TRAF1: variants seen among roughly 807,000 people sequenced by gnomAD.
TRAF1 encodes TNF receptor associated factor 1, also known as TNF receptor-associated factor 1.
TRAF1 carries 23 observed loss-of-function variants against 40.9 expected under a neutral mutation model. The ratio of observed to expected loss-of-function variants is 0.56; its 90% CI spans 0.40 to 0.80. The LOEUF (loss-of-function observed/expected upper bound fraction) is 0.80, where lower values mean the gene tolerates loss of function less well. Ranked by LOEUF, TRAF1 falls within the 30% of genes least tolerant of loss-of-function variation. The pLI is 0.00. For synonymous variants in TRAF1, 206 were observed against 218.8 expected, an observed-to-expected ratio of 0.94 and a Z score of 0.52; for missense variants, 477 against 528.7, an observed-to-expected ratio of 0.90 and a Z score of 0.96.
At chr9:120,911,639 T>A in intron 5 of TRAF1, 126 bp from the exon 6 acceptor site, 1 of 1,122,782 alleles carries the variant, frequency 8.9e-7, no homozygotes. Flanking sequence ...CAGGTGTGCG[T>A]CTGCATCTGA....
rs1397901786 is a variant in TRAF1 at position 120,904,605 on chromosome 9, G to A, written c.*415C>T. On this transcript the variant is annotated 3_prime_UTR_variant, in exon 8 of 8. Transcript: ENST00000373887. ...CTGTTTCTGACCCTGGAGAAAAAGA[G>A]AGCAGGCCTGTGTCCAGGTCTCCCT... is the stretch of plus-strand genomic sequence containing the variant. The A allele has an allele frequency of 5.0e-6, 1 of 199,354 alleles. No homozygotes were observed. Among genetic ancestry groups the A allele is most frequent in the Non-Finnish European group, 1.0e-5 (1 of 96,072 alleles). The allele number at this position is 199,354 out of a possible 1,614,324, so 12.3% of individuals were successfully genotyped here. A position where few individuals can be genotyped will look rare whatever the true frequency, so the allele number is the denominator to read the frequency against.
intron 7 of TRAF1, among the ~76,000 whole-genome samples, chr9:120,908,828 G>C (rs554836598): frequency 3.9e-5 from 6 of 152,242 alleles, no homozygotes; most frequent in Non-Finnish European, 8.8e-5. Flanking sequence ...CCAAATTGTT[G>C]AGATTACAGG....
intron 3 of TRAF1, among the ~76,000 whole-genome samples, chr9:120,915,660 C>G (rs1449928419): frequency 6.6e-6 from 1 of 151,904 alleles, no homozygotes; most frequent in South Asian, 2.1e-4. Context: ...AATGAGACCT[C>G]ATCTCTACTT....
intron 3 of TRAF1, among the ~76,000 whole-genome samples, chr9:120,918,332 T>C (rs1019543844): frequency 2.6e-5 from 4 of 152,066 alleles, no homozygotes; most frequent in African/African-American, 9.7e-5. Context: ...TTACTAATAA[T>C]AAATTAATAG....
rs567136314 is a variant in TRAF1, at chr9:120,905,901, T to A, written c.1033-663A>T. ...CCTCACCCTGCACATTAGGACCCCC[T>A]GCGGAGACTTCATCCTGATGCTCAG... On this transcript the variant is annotated intron_variant, in intron 7 of 7. Transcript: ENST00000373887. Among the ~76,000 whole-genome samples the A allele has an allele frequency of 2.0e-5, 3 of 152,336 alleles. No individual in the cohort carries two copies. In the South Asian group the frequency reaches 6.2e-4, roughly 32 times the overall value.
intron 2 of TRAF1, among the ~76,000 whole-genome samples, chr9:120,925,442 C>T (rs550248567): frequency 6.6e-6 from 1 of 152,228 alleles, no homozygotes; most frequent in East Asian, 1.9e-4. Flanking sequence ...TCTCTTTGTC[C>T]CCTCCAAAAG....
At chr9:120,923,062 C>T (rs1369898398) in intron 3 of TRAF1, among the ~76,000 whole-genome samples, 1 of 152,116 alleles carries the variant, frequency 6.6e-6, no homozygotes, top group Non-Finnish European at 1.5e-5. Context: ...TAGTATCAAA[C>T]TCCTGGGCTC....
At chr9:120,926,921 A>G (rs2046645354), upstream of TRAF1, 1 of 152,166 alleles carries the variant, frequency 6.6e-6, no homozygotes, top group Admixed American at 6.5e-5. Context: ...AAAGCGCTAA[A>G]CAAATGCAAG....
chr9:120,926,079 A>G lies in TRAF1; in HGVS notation c.-4T>C. 1 of 1,580,098 alleles carries G rather than the reference A, an allele frequency of 6.3e-7. No individual in the cohort carries two copies. Among genetic ancestry groups the G allele is most frequent in the Non-Finnish European group, 8.6e-7 (1 of 1,163,546 alleles). ...TGCTGCCTGAGCTGGAGGCCATCTC[A>G]GGGTTCCAGGCTGGCCAGAGGGCCT... On this transcript the variant is annotated 5_prime_UTR_variant, in exon 2 of 8. Transcript: ENST00000373887.
chr9:120,916,004 G>A (rs1440064138), intron 3 of TRAF1, among the ~76,000 whole-genome samples: 2 of 152,194 alleles, frequency 1.3e-5, no homozygotes, highest in African/African-American at 4.8e-5. Flanking sequence ...ACATATGTCT[G>A]CACAAAGGTG....
At chr9:120,927,427 T>A (rs2046648287), upstream of TRAF1, 1 of 152,158 alleles carries the variant, frequency 6.6e-6, no homozygotes, top group African/African-American at 2.4e-5. Flanking sequence ...AGATTCTGCA[T>A]CTGTAAAATG....
At chr9:120,907,730 C>G (rs909864314) in intron 7 of TRAF1, among the ~76,000 whole-genome samples, 4 of 152,206 alleles carry the variant, frequency 2.6e-5, no homozygotes, top group African/African-American at 9.7e-5. Context: ...TCTGCTAGTT[C>G]AGGCTAGCCT....
intron 3 of TRAF1, among the ~76,000 whole-genome samples, chr9:120,918,503 C>T (rs907034731): frequency 2.0e-5 from 3 of 152,040 alleles, no homozygotes; most frequent in African/African-American, 7.2e-5. Flanking sequence ...TGCCCCGGGA[C>T]ATCTCCCAGT....
chr9:120,912,247 G>A (rs2046533542), intron 5 of TRAF1, among the ~76,000 whole-genome samples: 1 of 152,172 alleles, frequency 6.6e-6, no homozygotes, highest in Admixed American at 6.5e-5. Context: ...TGCGAATGGT[G>A]AGGCAGATAA....
In TRAF1 at chr9:120,913,761, C is replaced by G. The variant is rs182246318; in HGVS notation, c.295-23G>C. The stretch of plus-strand genomic sequence containing the variant: ...TCCCTGACAAGAGAGTGGGGCTGAT[C>G]AGTGAAAACAGAGGTGGAGTGAGGA... On this transcript the variant is annotated intron_variant, in intron 4 of 7. Transcript: ENST00000373887. 3.3e-6 allele frequency: 5 copies of G among 1,531,068 alleles called. No homozygotes were observed. The East Asian group carries it at 1.1e-4, about 35-fold the overall frequency. The allele number at this position is 1,531,068 out of a possible 1,614,324, so 94.8% of individuals were successfully genotyped here. A position where few individuals can be genotyped will look rare whatever the true frequency, so the allele number is the denominator to read the frequency against.
At chr9:120,913,796 A>G (rs922599986) in intron 4 of TRAF1, 58 bp from the exon 5 acceptor site, 9 of 1,493,726 alleles carry the variant, frequency 6.0e-6, no homozygotes, top group Non-Finnish European at 8.0e-6. Flanking sequence ...ACAGGGGAGC[A>G]GTGGAGTGCC....
chr9:120,908,528 G>T (rs181943216), intron 7 of TRAF1, among the ~76,000 whole-genome samples: 1 of 152,052 alleles, frequency 6.6e-6, no homozygotes, highest in Non-Finnish European at 1.5e-5. Context: ...AAAATCTTGG[G>T]GATTACATTA....
rs1452672066 is a variant in TRAF1 at position 120,904,103 on chromosome 9, T to C, written c.*917A>G. On this transcript the variant is annotated 3_prime_UTR_variant, in exon 8 of 8. Coordinates refer to ENST00000373887, the MANE Select transcript of TRAF1 (RefSeq NM_005658.5). ...TCTGGAAAGCACCAAAGGTGGGGCC[T>C]CTAGGCAGGAAGAGGAAAGTTTATG... 6.6e-6 allele frequency: 1 copy of C among 152,256 alleles called. No homozygotes were observed. Among genetic ancestry groups the C allele is most frequent in the African/African-American group, 2.4e-5 (1 of 41,442 alleles). The allele number at this position is 152,256 out of a possible 1,614,324, so 9.4% of individuals were successfully genotyped here.
At chr9:120,924,953 G>C (rs7034499) in intron 2 of TRAF1, among the ~76,000 whole-genome samples, 12,549 of 152,240 alleles carry the variant, frequency 0.082, 1,197 homozygotes, top group African/African-American at 0.22. Flanking sequence ...GGGAAACCAG[G>C]AGACCCACTA....
Sources: gnomAD v4.1 joint callset for allele counts (sites outside exome capture counted in the v4.1 genomes callset) on GRCh38, gnomAD v4.1.1 for gene constraint, MANE v1.5 for transcripts, NCBI Gene and HGNC (gene_info 2026-07-23, HGNC 2026-07-21) for gene names.